The following PLXDC2 variants were observed in gnomAD, a reference collection of about 807,000 sequenced individuals.
PLXDC2 encodes the protein plexin domain-containing protein 2.
A neutral mutation model predicts 68.9 loss-of-function variants in PLXDC2; 40 were observed. That is an observed-to-expected ratio of 0.58 (90% confidence interval 0.45 to 0.76). PLXDC2 has a LOEUF of 0.76. PLXDC2 is among the 30% of genes least tolerant of loss of function. PLXDC2 has a pLI of 0.00. For synonymous variants in PLXDC2, 243 were observed against 234.2 expected, an observed-to-expected ratio of 1.04 and a Z score of -0.34; for missense variants, 644 against 661.9, an observed-to-expected ratio of 0.97 and a Z score of 0.30.
intron 1 of PLXDC2, among the ~76,000 whole-genome samples, chr10:19,930,133 A>G (rs1833601545): frequency 6.6e-6 from 1 of 151,870 alleles, no homozygotes; most frequent in South Asian, 2.1e-4. Context: ...AAATTCCCTT[A>G]ATGTCATTTA....
At chr10:20,248,090 G>A (rs891007003) in intron 13 of PLXDC2, among the ~76,000 whole-genome samples, 1 of 152,132 alleles carries the variant, frequency 6.6e-6, no homozygotes, top group African/African-American at 2.4e-5. Flanking sequence ...CCCCTCACAC[G>A]TTTAAGCCTT....
chr10:19,887,006 T>C (rs1366283132), intron 1 of PLXDC2, among the ~76,000 whole-genome samples: 1 of 152,192 alleles, frequency 6.6e-6, no homozygotes, highest in East Asian at 1.9e-4. Flanking sequence ...CTCAGTATTA[T>C]TATGAAAAGA....
At chr10:19,817,305 T>TA in intron 1 of PLXDC2, 114 bp downstream of exon 1, 1 of 855,726 alleles carries the variant, frequency 1.2e-6, no homozygotes, top group Non-Finnish European at 1.8e-6. Flanking sequence ...TTGGGAAACT[T>TA]ATTGCAGTTG....
intron 4 of PLXDC2, among the ~76,000 whole-genome samples, chr10:20,127,118 C>T (rs753467478): frequency 2.0e-5 from 3 of 151,940 alleles, no homozygotes; most frequent in Non-Finnish European, 2.9e-5. Context: ...AATAGACTCT[C>T]GATTTGGGAA....
At chr10:20,187,875 C>T (rs1834707780) in intron 9 of PLXDC2, among the ~76,000 whole-genome samples, 1 of 151,802 alleles carries the variant, frequency 6.6e-6, no homozygotes, top group South Asian at 2.1e-4. Context: ...TATATTTTAA[C>T]ATTACGTTCC....
At chr10:20,221,029 G>A (rs1835204543) in intron 12 of PLXDC2, among the ~76,000 whole-genome samples, 2 of 152,000 alleles carry the variant, frequency 1.3e-5, no homozygotes, top group South Asian at 4.2e-4. Flanking sequence ...TTTTAATAGA[G>A]ACGGGGTTTC....
intron 1 of PLXDC2, among the ~76,000 whole-genome samples, chr10:19,891,836 A>C (rs752332515): frequency 4.9e-4 from 75 of 152,382 alleles, no homozygotes; most frequent in Non-Finnish European, 7.8e-4. Context: ...AAAGCCAAAT[A>C]ATATTACATG....
chr10:20,242,974 C>T (rs962017709), intron 12 of PLXDC2, among the ~76,000 whole-genome samples: 8 of 152,048 alleles, frequency 5.3e-5, no homozygotes, highest in Non-Finnish European at 1.0e-4. Context: ...GGCCTCCCAA[C>T]GTGCTGGGAT....
At chr10:20,076,633 GTTTCC>G (rs1352695124) in intron 4 of PLXDC2, among the ~76,000 whole-genome samples, 1 of 151,990 alleles carries the variant, frequency 6.6e-6, no homozygotes, top group Non-Finnish European at 1.5e-5. Flanking sequence ...TTTGTCTGTT[GTTTCC>G]TTTGATGACC....
At chr10:19,974,417 A>G (rs1425517523) in intron 1 of PLXDC2, among the ~76,000 whole-genome samples, 2 of 152,262 alleles carry the variant, frequency 1.3e-5, no homozygotes, top group African/African-American at 4.8e-5. Context: ...AAGCAACATT[A>G]ACATGGAAAT....
intron 1 of PLXDC2, among the ~76,000 whole-genome samples, chr10:19,846,175 A>G (rs1837005972): frequency 6.6e-6 from 1 of 152,224 alleles, no homozygotes; most frequent in South Asian, 2.1e-4. Flanking sequence ...ACCACCCTAA[A>G]GAATAAATAT....
intron 1 of PLXDC2, among the ~76,000 whole-genome samples, chr10:19,942,511 C>T (rs1329847707): frequency 2.0e-5 from 3 of 152,128 alleles, no homozygotes; most frequent in Admixed American, 1.3e-4. Flanking sequence ...TCCTATAATC[C>T]CAGCACTTTG....
intron 4 of PLXDC2, chr10:20,091,702 A>G (rs2131731053): frequency 6.6e-6 from 1 of 152,230 alleles, no homozygotes; most frequent in East Asian, 1.9e-4. Context: ...AAAATCTTTA[A>G]GTCTGCGAGG....
At chr10:19,867,391 G>A (rs577877127) in intron 1 of PLXDC2, among the ~76,000 whole-genome samples, 2 of 152,264 alleles carry the variant, frequency 1.3e-5, no homozygotes, top group East Asian at 3.9e-4. Context: ...TGAGGCCTAT[G>A]TGACAGGGCT....
intron 13 of PLXDC2, among the ~76,000 whole-genome samples, chr10:20,268,384 A>C (rs1011004645): frequency 6.6e-6 from 1 of 152,192 alleles, no homozygotes; most frequent in East Asian, 1.9e-4. Context: ...TAAAACTTTT[A>C]ATTTTATTTC....
rs10827934 is a variant in PLXDC2 at position 20,031,959 on chromosome 10, T to G, written c.325-14910T>G. On this transcript the variant is annotated intron_variant, in intron 2 of 13. Transcript: ENST00000377252. ...CTCAGCCTCCCGAGTAGCTGGGATT[T>G]CAGGTGTGTGCTACCACGTCCAGCT... Among the ~76,000 whole-genome samples the G allele has an allele frequency of 3.5e-3, 528 of 151,824 alleles. 1 individual carries two copies. Among genetic ancestry groups the G allele is most frequent in the Non-Finnish European group, 5.9e-3 (399 of 67,866 alleles).
chr10:19,884,623 G>A (rs533319081), intron 1 of PLXDC2, among the ~76,000 whole-genome samples: 11 of 151,882 alleles, frequency 7.2e-5, no homozygotes, highest in South Asian at 4.2e-4. Context: ...TTGTTCTTGC[G>A]ATAGTTTACT....
In PLXDC2 at chr10:20,126,250, T is replaced by C. The variant is rs1833775069; in HGVS notation, c.542-17045T>C. 2.0e-5 allele frequency among the ~76,000 whole-genome samples: 3 copies of C among 147,088 alleles called. No homozygotes were observed. In the South Asian group the frequency reaches 6.3e-4, roughly 31 times the overall value. The stretch of plus-strand genomic sequence containing the variant: ...ACATATACGTTGTATAATACATATA[T>C]ACATATACGTTATATAATACATATA... On this transcript the variant is annotated intron_variant, in intron 4 of 13. Transcript: ENST00000377252.
intron 1 of PLXDC2, among the ~76,000 whole-genome samples, chr10:19,930,847 C>T (rs1589542264): frequency 6.6e-6 from 1 of 151,974 alleles, no homozygotes; most frequent in Non-Finnish European, 1.5e-5. Flanking sequence ...CTTGCAATCC[C>T]AGCTACTCGG....
Sources: gnomAD v4.1 joint callset for allele counts (sites outside exome capture counted in the v4.1 genomes callset) on GRCh38, gnomAD v4.1.1 for gene constraint, MANE v1.5 for transcripts, NCBI Gene and HGNC (gene_info 2026-07-23, HGNC 2026-07-21) for gene names.